COG7: variants seen among roughly 807,000 people sequenced by gnomAD.
The protein encoded by COG7 is component of oligomeric golgi complex 7.
A neutral mutation model predicts 91.5 loss-of-function variants in COG7; 49 were observed. That is an observed-to-expected ratio of 0.54 (90% CI 0.43 to 0.68). COG7 has a LOEUF of 0.68. Ranked by LOEUF, COG7 falls within the 30% of genes least tolerant of loss-of-function variation. The probability of loss-of-function intolerance (pLI) is 0.00; values close to 1 mark genes in which losing one functional copy is unlikely to be tolerated. For missense variants in COG7, 895 were observed against 961.3 expected (o/e 0.93, Z 0.91); for synonymous variants, 365 against 388.7 (o/e 0.94, Z 0.72).
At chr16:23,402,559 A>G (rs369470858) in intron 13 of COG7, among the ~76,000 whole-genome samples, 5 of 152,220 alleles carry the variant, frequency 3.3e-5, no homozygotes, top group African/African-American at 1.2e-4. Context: ...ATCAATCTAT[A>G]TAAGAATTAC....
intron 14 of COG7, 46 bp from the exon 15 acceptor site, chr16:23,393,393 G>T: frequency 7.0e-7 from 1 of 1,432,444 alleles, no homozygotes. Flanking sequence ...ACACATACGG[G>T]TTATTACTTT....
At chr16:23,426,021 C>T (rs529802727) in intron 6 of COG7, among the ~76,000 whole-genome samples, 1 of 152,110 alleles carries the variant, frequency 6.6e-6, no homozygotes, top group South Asian at 2.1e-4. Context: ...CGAGACCAGC[C>T]TGACCAACAT....
At chr16:23,445,982 A>C (rs764375842) in intron 1 of COG7, 21 bp from the exon 2 acceptor site, 14 of 1,607,414 alleles carry the variant, frequency 8.7e-6, no homozygotes, top group Admixed American at 8.4e-5. Context: ...AAAAAAAAAA[A>C]AAAACAACAA....
chr16:23,434,002 T>G (rs1306761824), intron 5 of COG7, among the ~76,000 whole-genome samples: 1 of 152,182 alleles, frequency 6.6e-6, no homozygotes, highest in African/African-American at 2.4e-5. Flanking sequence ...TGTTTAAGCT[T>G]CATGTCCTAA....
chr16:23,410,153 C>A (rs938256871), intron 11 of COG7, 142 bp downstream of exon 11: 2 of 713,044 alleles, frequency 2.8e-6, no homozygotes, highest in East Asian at 5.4e-5. Flanking sequence ...AATAATGACA[C>A]GCTGTATCTA....
chr16:23,430,300 G>C (rs528597814), intron 6 of COG7, among the ~76,000 whole-genome samples: 10 of 151,922 alleles, frequency 6.6e-5, no homozygotes, highest in Non-Finnish European at 1.2e-4. Flanking sequence ...GTGGTGGCAC[G>C]CACCTGTAGT....
At chr16:23,438,395 C>CA (rs549908302) in intron 4 of COG7, among the ~76,000 whole-genome samples, 309 of 151,808 alleles carry the variant, frequency 2.0e-3, no homozygotes, top group African/African-American at 7.1e-3. Flanking sequence ...CCTATCTCTA[C>CA]AAAAAACAAA....
At chr16:23,391,795 C>T (rs573681779) in intron 16 of COG7, 12 of 187,034 alleles carry the variant, frequency 6.4e-5, no homozygotes, top group African/African-American at 2.3e-4. Context: ...GCAGTGAGGC[C>T]CTCCAGTGAA....
intron 4 of COG7, among the ~76,000 whole-genome samples, chr16:23,435,201 T>C (rs1051668831): frequency 6.6e-6 from 1 of 151,848 alleles, no homozygotes; most frequent in African/African-American, 2.4e-5. Context: ...CCATCTCTAC[T>C]AAAAGAAAAA....
rs184833009 is a variant in COG7 at position 23,445,271 on chromosome 16, G to A, written c.319-107C>T. 35 of 824,378 alleles carry A rather than the reference G, an allele frequency of 4.2e-5. No homozygotes were observed. In the African/African-American group the frequency reaches 5.7e-4, roughly 13 times the overall value. The allele number at this position is 824,378 out of a possible 1,614,324, so 51.1% of individuals were successfully genotyped here. On this transcript the variant is annotated intron_variant, in intron 2 of 16. Coordinates refer to ENST00000307149, the MANE Select transcript of COG7 (RefSeq NM_153603.4). ...GGTGGCTTGCTTCTGTCTTTAGGGA[G>A]CTTCTGTCTCCCAAAACACCAATCA...
Position 23,406,098 on chromosome 16 carries a change from A to T in COG7, c.1640T>A (p.Met547Lys). ...KDNPAEYASL[M>K]EILYTLKEKG... Reference sequence around the variant, plus strand: ...TACCTTAAGGGTATAAAGTATTTCCATTAAACTGGCATATTCAGCAGGGTT... The same window carrying T: ...TACCTTAAGGGTATAAAGTATTTCCTTTAAACTGGCATATTCAGCAGGGTT... The change falls in exon 12 of 17, where the codon ATG becomes AAG. Residue 547 changes from methionine (M) to lysine (K), a missense_variant. By Grantham distance (95) the Met-to-Lys change is moderately conservative. Coordinates refer to ENST00000307149, the MANE Select transcript of COG7 (RefSeq NM_153603.4). 4 of 1,614,116 alleles carry T rather than the reference A, an allele frequency of 2.5e-6. No individual in the cohort carries two copies. Among genetic ancestry groups the T allele is most frequent in the Non-Finnish European group, 3.4e-6 (4 of 1,179,992 alleles).
At chr16:23,442,720 T>C in intron 3 of COG7, 75 bp from the exon 4 acceptor site, 1 of 1,306,576 alleles carries the variant, frequency 7.7e-7, no homozygotes, top group Non-Finnish European at 1.1e-6. Context: ...ATAAAATACA[T>C]GAAAAGGCAA....
chr16:23,451,199 A>C (rs1295381583), intron 1 of COG7, among the ~76,000 whole-genome samples: 1 of 152,162 alleles, frequency 6.6e-6, no homozygotes, highest in East Asian at 1.9e-4. Flanking sequence ...TCTCAAAAAA[A>C]ACAAAAAAAC....
chr16:23,439,028 C>T (rs772203600), intron 4 of COG7, among the ~76,000 whole-genome samples: 7 of 151,538 alleles, frequency 4.6e-5, no homozygotes, highest in African/African-American at 9.7e-5. Flanking sequence ...TGTGGTGGTG[C>T]GCACCTTTAA....
chr16:23,413,729 G>C, intron 9 of COG7, 165 bp from the exon 10 acceptor site: 2 of 606,148 alleles, frequency 3.3e-6, no homozygotes, highest in Admixed American at 5.4e-5. Context: ...AACACAAAAA[G>C]TTCTTCTCTA....
At chr16:23,423,237 C>A (rs1393386695) in intron 7 of COG7, among the ~76,000 whole-genome samples, 7 of 149,532 alleles carry the variant, frequency 4.7e-5, no homozygotes, top group Non-Finnish European at 1.0e-4. Flanking sequence ...TGTGGTGGCA[C>A]ACACCTGTAG....
At chr16:23,407,776 A>G (rs1963486545) in intron 11 of COG7, among the ~76,000 whole-genome samples, 1 of 152,126 alleles carries the variant, frequency 6.6e-6, no homozygotes, top group Non-Finnish European at 1.5e-5. Context: ...TTTAGTGACC[A>G]GGTCTTCGGG....
chr16:23,413,721 C>G (rs1331754414), intron 9 of COG7, 157 bp from the exon 10 acceptor site: 1 of 631,930 alleles, frequency 1.6e-6, no homozygotes, highest in Non-Finnish European at 2.9e-6. Context: ...AACCTCTGAA[C>G]ACAAAAAGTT....
intron 9 of COG7, chr16:23,416,589 T>A: frequency 6.5e-6 from 2 of 308,504 alleles, no homozygotes; most frequent in South Asian, 5.8e-5. Flanking sequence ...TGTCTTGGCC[T>A]CCCAAAGTAC....
Sources: allele counts gnomAD v4.1 joint callset (sites outside exome capture counted in the v4.1 genomes callset), GRCh38; gene constraint gnomAD v4.1.1; transcripts MANE v1.5; gene names NCBI Gene and HGNC (gene_info 2026-07-23, HGNC 2026-07-21).